The following TRMT6 variants were observed in gnomAD, a reference collection of about 807,000 sequenced individuals.
The protein encoded by TRMT6 is tRNA (adenine(58)-N(1))-methyltransferase non-catalytic subunit TRM6.
A neutral mutation model predicts 59.0 loss-of-function variants in TRMT6; 34 were observed. The ratio of observed to expected loss-of-function variants is 0.58; its 90% CI spans 0.44 to 0.77. The LOEUF (loss-of-function observed/expected upper bound fraction) is 0.77. Among genes scored for constraint, TRMT6 ranks in the 30% least tolerant of loss-of-function variants. TRMT6 has a pLI of 0.00. For synonymous variants in TRMT6, 217 were observed against 210.5 expected (o/e 1.03, Z -0.27); for missense variants, 575 against 604.5 (o/e 0.95, Z 0.51).
intron 6 of TRMT6, among the ~76,000 whole-genome samples, chr20:5,943,029 T>C (rs922520957): frequency 8.5e-5 from 13 of 152,316 alleles, no homozygotes; most frequent in Admixed American, 7.2e-4. Flanking sequence ...CTTGATACTA[T>C]TGTAAAACCC....
chr20:5,940,957 G>A, intron 10 of TRMT6, 96 bp downstream of exon 10: 1 of 1,003,278 alleles, frequency 1.0e-6, no homozygotes, highest in South Asian at 1.3e-5. Context: ...CACTGTGCCT[G>A]GCTGAGATAA....
In TRMT6 at chr20:5,944,886, T is replaced by C; in HGVS notation, c.285A>G (p.Arg95=). 1 of 1,614,006 alleles carries C rather than the reference T, an allele frequency of 6.2e-7. No individual in the cohort carries two copies. The highest frequency in any genetic ancestry group is 8.5e-7 in the Non-Finnish European group (1 of 1,179,866). The change falls in exon 3 of 11, where the codon CGA becomes CGG. Residue 95 remains arginine, a synonymous_variant. Coordinates refer to ENST00000203001, the MANE Select transcript of TRMT6 (RefSeq NM_015939.5). The part of the protein sequence containing the change: ...AETKEAGTDN[R]NIVDDGKSQK... The stretch of plus-strand genomic sequence containing the variant: ...GAGATTTCCCATCATCAACTATATT[T>C]CGATTATCAGTGCCCGCTTCTTTAG...
Position 5,938,459 on chromosome 20 carries a change from G to T in TRMT6, c.*76C>A. 7.1e-7 allele frequency: 1 copy of T among 1,409,184 alleles called. No homozygotes were observed. The allele number at this position is 1,409,184 out of a possible 1,614,324, so 87.3% of individuals were successfully genotyped here. ...TTATTCTTGGGATATGAAAAAACAA[G>T]TAGTAATGGCATTTAAAGTTTAATT... On this transcript the variant is annotated 3_prime_UTR_variant, in exon 11 of 11. Coordinates refer to ENST00000203001, the MANE Select transcript of TRMT6 (RefSeq NM_015939.5).
At chr20:5,939,115 A>C (rs185085604) in intron 10 of TRMT6, among the ~76,000 whole-genome samples, 1 of 152,110 alleles carries the variant, frequency 6.6e-6, no homozygotes, top group African/African-American at 2.4e-5. Flanking sequence ...AAATGGACCA[A>C]CTTCTAAGGA....
At chr20:5,945,043 C>T in intron 2 of TRMT6, 129 bp from the exon 3 acceptor site, 2 of 663,836 alleles carry the variant, frequency 3.0e-6, no homozygotes, top group Non-Finnish European at 5.2e-6. Context: ...CTGCCCCCAT[C>T]ACACTATCCT....
chr20:5,938,461 A>G lies in TRMT6; in HGVS notation c.*74T>C. On this transcript the variant is annotated 3_prime_UTR_variant, in exon 11 of 11. Transcript: ENST00000203001. Reference sequence around the variant, plus strand: ...ATTCTTGGGATATGAAAAAACAAGTAGTAATGGCATTTAAAGTTTAATTAC... The same window carrying G: ...ATTCTTGGGATATGAAAAAACAAGTGGTAATGGCATTTAAAGTTTAATTAC... 1.4e-6 allele frequency: 2 copies of G among 1,422,326 alleles called. No individual in the cohort carries two copies. Among genetic ancestry groups the G allele is most frequent in the Non-Finnish European group, 1.9e-6 (2 of 1,038,558 alleles). 88.1% of individuals were successfully genotyped at this position (1,422,326 alleles called of 1,614,324 possible). A position where few individuals can be genotyped will look rare whatever the true frequency, so the allele number is the denominator to read the frequency against.
At position 5,941,140 on chromosome 20, in the gene TRMT6, C is replaced by T; in HGVS notation, c.1216-1G>A. ...GTTTTGTGTAGCATTCCAACAGAGG[C>T]TGCAGACAACAACAGAATTCTGTTA... On this transcript the variant is annotated splice_acceptor_variant, in intron 9 of 10. Transcript: ENST00000203001. LOFTEE classifies it high-confidence loss of function. 1 of 1,613,900 alleles carries T rather than the reference C, an allele frequency of 6.2e-7. No individual in the cohort carries two copies. The highest frequency in any genetic ancestry group is 2.2e-5 in the East Asian group (1 of 44,890).
Position 5,950,288 on chromosome 20 carries a change from G to T in TRMT6, c.118C>A (p.Gln40Lys). ...REDVFKAVQV[Q>K]RRKKVTFEKQ... ...AGCGATCTGACTTACTTTCTCCGCT[G>T]GACTTGTACTGCTTTAAACACATCT... Residue 40 changes from glutamine to lysine, a missense_variant, in exon 1 of 11, where the codon CAG becomes AAG. Gln to Lys is a moderately conservative substitution (Grantham distance 53, BLOSUM62 1). Coordinates refer to ENST00000203001, the MANE Select transcript of TRMT6 (RefSeq NM_015939.5). The T allele has an allele frequency of 6.2e-7, 1 of 1,609,428 alleles. No homozygotes were observed. Among genetic ancestry groups the T allele is most frequent in the Non-Finnish European group, 8.5e-7 (1 of 1,177,018 alleles).
In TRMT6 at chr20:5,941,267, A is replaced by C. The variant is rs1326397745; in HGVS notation, c.1191T>G (p.Phe397Leu). ...LLDFVAPSRP[F>L]VVYCQYKEPL... ...CCTCTTTGTACTGACAGTAGACCAC[A>C]AACGGCCTTGAAGGGGCCACAAAGT... The change falls in exon 9 of 11, where the codon TTT (phenylalanine) becomes TTG (leucine). Residue 397 changes from phenylalanine to leucine, a missense_variant. Physicochemically the swap from Phe to Leu is conservative, Grantham distance 22 (BLOSUM62 0). Coordinates refer to ENST00000203001, the MANE Select transcript of TRMT6 (RefSeq NM_015939.5). 2.5e-6 allele frequency: 4 copies of C among 1,614,082 alleles called. No individual in the cohort carries two copies. Among genetic ancestry groups the C allele is most frequent in the Non-Finnish European group, 3.4e-6 (4 of 1,180,006 alleles).
chr20:5,949,427 C>T (rs2088752045), intron 1 of TRMT6, among the ~76,000 whole-genome samples: 1 of 152,120 alleles, frequency 6.6e-6, no homozygotes, highest in Non-Finnish European at 1.5e-5. Context: ...AAATTTTCAC[C>T]ATTAATAAGC....
intron 10 of TRMT6, among the ~76,000 whole-genome samples, chr20:5,939,292 C>T (rs925247316): frequency 1.3e-5 from 2 of 151,990 alleles, no homozygotes; most frequent in African/African-American, 4.8e-5. Context: ...ATCAGCCTGG[C>T]TAACATGGTG....
intron 1 of TRMT6, among the ~76,000 whole-genome samples, chr20:5,949,977 G>A (rs1000293469): frequency 1.3e-5 from 2 of 152,128 alleles, no homozygotes; most frequent in Non-Finnish European, 2.9e-5. Flanking sequence ...ATGGAATTCT[G>A]GGGAAGGAAC....
intron 8 of TRMT6, 90 bp downstream of exon 8, chr20:5,941,861 C>A (rs2088658796): frequency 8.6e-7 from 1 of 1,169,432 alleles, no homozygotes; most frequent in Admixed American, 2.0e-5. Context: ...CCACTAGAGT[C>A]AAAGCAGACA....
intron 7 of TRMT6, 170 bp downstream of exon 7, chr20:5,942,258 C>T: frequency 1.3e-6 from 1 of 760,324 alleles, no homozygotes; most frequent in Admixed American, 2.3e-5. Flanking sequence ...AAAGCTCCAT[C>T]CCGAAGACCG....
At position 5,937,399 on chromosome 20, in the gene TRMT6, C is replaced by G. The variant is rs1444946044; in HGVS notation, c.*1136G>C. On this transcript the variant is annotated 3_prime_UTR_variant, in exon 11 of 11. Transcript: ENST00000203001. Reference sequence around the variant, plus strand: ...TGACAGGAGCAACGCAAACGATGACCATGTTCCAGTGAGCAAGACTCAATC... The same window carrying G: ...TGACAGGAGCAACGCAAACGATGACGATGTTCCAGTGAGCAAGACTCAATC... 6.6e-6 allele frequency: 1 copy of G among 152,212 alleles called. No individual in the cohort carries two copies. Among genetic ancestry groups the G allele is most frequent in the African/African-American group, 2.4e-5 (1 of 41,448 alleles). The allele number at this position is 152,212 out of a possible 1,614,324, so 9.4% of individuals were successfully genotyped here.
chr20:5,939,764 C>G (rs1238922456), intron 10 of TRMT6, among the ~76,000 whole-genome samples: 1 of 152,162 alleles, frequency 6.6e-6, no homozygotes, highest in East Asian at 1.9e-4. Context: ...TCTCCTCTTT[C>G]TCCTGTAACC....
intron 10 of TRMT6, among the ~76,000 whole-genome samples, chr20:5,939,846 G>A (rs758710758): frequency 3.9e-5 from 6 of 152,154 alleles, no homozygotes; most frequent in Non-Finnish European, 8.8e-5. Flanking sequence ...CTACAGTATG[G>A]TAAGACACCA....
chr20:5,942,334 T>G (rs757075330), intron 7 of TRMT6, 94 bp downstream of exon 7: 2 of 1,109,778 alleles, frequency 1.8e-6, no homozygotes, highest in African/African-American at 3.1e-5. Flanking sequence ...TCTTGGGAGC[T>G]AATACACCAA....
chr20:5,943,322 ACTGACAGTGAAG>A (rs1459784200), intron 6 of TRMT6, among the ~76,000 whole-genome samples: 1 of 152,278 alleles, frequency 6.6e-6, no homozygotes, highest in Admixed American at 6.5e-5. Flanking sequence ...CATCATGCCC[ACTGACAGTGAAG>A]CTAGAAAGGA....
Sources: gnomAD v4.1 joint callset for allele counts (sites outside exome capture counted in the v4.1 genomes callset) on GRCh38, gnomAD v4.1.1 for gene constraint, MANE v1.5 for transcripts, NCBI Gene and HGNC (gene_info 2026-07-23, HGNC 2026-07-21) for gene names.